DNAH12: variants seen among roughly 807,000 people sequenced by gnomAD.
DNAH12 encodes dynein axonemal heavy chain 12, also known as axonemal beta dynein heavy chain 12.
A neutral mutation model predicts 371.5 loss-of-function variants in DNAH12; 285 were observed. The ratio of observed to expected loss-of-function variants is 0.77; its 90% CI spans 0.70 to 0.85. The LOEUF (loss-of-function observed/expected upper bound fraction) is 0.85, where lower values mean the gene tolerates loss of function less well. Among genes scored for constraint, DNAH12 ranks in the 40% least tolerant of loss-of-function variants. The pLI is 0.00. For synonymous variants in DNAH12, 1,200 were observed against 1,213.0 expected, an observed-to-expected ratio of 0.99 and a Z score of 0.22; for missense variants, 3,611 against 3,689.4, an observed-to-expected ratio of 0.98 and a Z score of 0.55.
Position 57,305,398 on chromosome 3 carries a change from T to G in DNAH12, c.11190-3459A>C, listed in dbSNP as rs187071390. Among the ~76,000 whole-genome samples, 4 of 152,116 alleles carry G rather than the reference T, an allele frequency of 2.6e-5. No individual in the cohort carries two copies. The East Asian group carries it at 7.8e-4, about 30-fold the overall frequency. Reference sequence around the variant, plus strand: ...GTCCCAATTCTTCCTCAGCCTCCGCTCCTCCACCCTATAATCTTTTTATCA... The same window carrying G: ...GTCCCAATTCTTCCTCAGCCTCCGCGCCTCCACCCTATAATCTTTTTATCA... On this transcript the variant is annotated intron_variant, in intron 69 of 73. Coordinates refer to ENST00000495027, the MANE Select transcript of DNAH12 (RefSeq NM_001366028.2).
intron 32 of DNAH12, among the ~76,000 whole-genome samples, chr3:57,433,127 G>T (rs2065005158): frequency 6.8e-6 from 1 of 147,996 alleles, no homozygotes. Flanking sequence ...AGATTACTAT[G>T]TCTTCTGGCT....
chr3:57,437,504 T>C (rs1174150371), intron 29 of DNAH12, among the ~76,000 whole-genome samples: 1 of 152,214 alleles, frequency 6.6e-6, no homozygotes, highest in Admixed American at 6.5e-5. Context: ...CAGAAAGGGA[T>C]GATGAGCCTT....
At chr3:57,371,536 G>T (rs1290316509) in intron 55 of DNAH12, among the ~76,000 whole-genome samples, 1 of 151,816 alleles carries the variant, frequency 6.6e-6, no homozygotes, top group Non-Finnish European at 1.5e-5. Context: ...GATGGGAGGT[G>T]GGGGCACTAC....
At chr3:57,442,553 T>G (rs2065341093) in intron 29 of DNAH12, among the ~76,000 whole-genome samples, 1 of 151,900 alleles carries the variant, frequency 6.6e-6, no homozygotes, top group Non-Finnish European at 1.5e-5. Flanking sequence ...TAAAATGGAG[T>G]GATAAACATT....
chr3:57,464,640 A>G (rs1381183439), intron 17 of DNAH12, among the ~76,000 whole-genome samples: 1 of 152,212 alleles, frequency 6.6e-6, no homozygotes, highest in East Asian at 1.9e-4. Context: ...ATCTCCACAA[A>G]CAGAAGCAGC....
At chr3:57,360,163 C>T (rs1212388849) in intron 58 of DNAH12, among the ~76,000 whole-genome samples, 2 of 152,116 alleles carry the variant, frequency 1.3e-5, no homozygotes, top group Non-Finnish European at 2.9e-5. Flanking sequence ...TTGTTCTGCT[C>T]TGATGGACGG....
chr3:57,482,471 G>C (rs201772940), intron 13 of DNAH12, among the ~76,000 whole-genome samples: 100,615 of 150,878 alleles, frequency 0.67, 33,802 homozygotes, highest in South Asian at 0.75. Flanking sequence ...TACACTGTTG[G>C]TGGGACTGTA....
intron 49 of DNAH12, among the ~76,000 whole-genome samples, 166 bp from the exon 50 acceptor site, chr3:57,382,559 A>T (rs1020409223): frequency 6.6e-6 from 1 of 151,980 alleles, no homozygotes; most frequent in African/African-American, 2.4e-5. Flanking sequence ...AAGAATTAAC[A>T]AAAGAGAATT....
chr3:57,380,888 A>G (rs1160536045), intron 50 of DNAH12, among the ~76,000 whole-genome samples: 2 of 152,244 alleles, frequency 1.3e-5, no homozygotes, highest in African/African-American at 2.4e-5. Context: ...TTTGTTTAAA[A>G]AAGTAAACAC....
intron 32 of DNAH12, among the ~76,000 whole-genome samples, 168 bp from the exon 33 acceptor site, chr3:57,429,942 AT>A (rs1461346494): frequency 6.6e-6 from 1 of 152,204 alleles, no homozygotes; most frequent in Non-Finnish European, 1.5e-5. Context: ...ATTATTAAGT[AT>A]TTAAGCAAAT....
intron 45 of DNAH12, among the ~76,000 whole-genome samples, chr3:57,391,430 GTT>G (rs2063621114): frequency 6.6e-6 from 1 of 152,090 alleles, no homozygotes; most frequent in Admixed American, 6.6e-5. Context: ...TACATCACTG[GTT>G]TTCCTGGGCT....
intron 47 of DNAH12, among the ~76,000 whole-genome samples, chr3:57,386,049 T>C (rs1418866902): frequency 6.6e-6 from 1 of 152,120 alleles, no homozygotes. Context: ...ATTACTTACG[T>C]TGAACTAACA....
intron 4 of DNAH12, chr3:57,519,850 C>G (rs1362126794): frequency 9.6e-7 from 1 of 1,044,092 alleles, no homozygotes; most frequent in East Asian, 2.4e-5. Flanking sequence ...CACCTGGACT[C>G]TGCAGATGGC....
intron 60 of DNAH12, among the ~76,000 whole-genome samples, chr3:57,340,583 C>A (rs782369417): frequency 9.9e-5 from 15 of 152,048 alleles, no homozygotes; most frequent in Admixed American, 5.9e-4. Flanking sequence ...CACATACGAC[C>A]TATCAAGATT....
intron 17 of DNAH12, among the ~76,000 whole-genome samples, chr3:57,465,619 G>T (rs1260811182): frequency 1.3e-5 from 2 of 151,906 alleles, no homozygotes; most frequent in Non-Finnish European, 2.9e-5. Flanking sequence ...TAAAGGAAAA[G>T]AATAAAAATA....
At chr3:57,367,191 T>C (rs2063068982) in intron 56 of DNAH12, among the ~76,000 whole-genome samples, 1 of 151,970 alleles carries the variant, frequency 6.6e-6, no homozygotes, top group Admixed American at 6.6e-5. Context: ...ATTAGCTGGG[T>C]GTCATGGTGG....
intron 17 of DNAH12, among the ~76,000 whole-genome samples, chr3:57,463,181 G>A (rs1167044990): frequency 6.6e-6 from 1 of 151,984 alleles, no homozygotes; most frequent in African/African-American, 2.4e-5. Context: ...GGTTGGGGTG[G>A]GAGGATTGCT....
chr3:57,523,895 T>C lies in DNAH12; in HGVS notation c.171-11A>G. The C allele has an allele frequency of 1.3e-6, 2 of 1,564,394 alleles. No homozygotes were observed. Among genetic ancestry groups the C allele is most frequent in the Non-Finnish European group, 1.7e-6 (2 of 1,147,752 alleles). On this transcript the variant is annotated splice_polypyrimidine_tract_variant and intron_variant, in intron 2 of 73. Coordinates refer to ENST00000495027, the MANE Select transcript of DNAH12 (RefSeq NM_001366028.2). ...TTGGCTCCATCAATTCTGAAATTTA[T>C]AGTTAGAAATATGACTCTCTTGATA...
intron 58 of DNAH12, among the ~76,000 whole-genome samples, chr3:57,357,853 T>TC (rs2062836021): frequency 6.6e-6 from 1 of 152,200 alleles, no homozygotes; most frequent in Admixed American, 6.6e-5. Flanking sequence ...AAGTAGGTAT[T>TC]CAAAACTATT....
Sources: gnomAD v4.1 joint callset for allele counts (sites outside exome capture counted in the v4.1 genomes callset) on GRCh38, gnomAD v4.1.1 for gene constraint, MANE v1.5 for transcripts, NCBI Gene and HGNC (gene_info 2026-07-23, HGNC 2026-07-21) for gene names.